The following TUSC3 variants were observed in gnomAD, a reference collection of about 807,000 sequenced individuals.
The protein encoded by TUSC3 is tumor suppressor candidate 3.
In TUSC3, 45 loss-of-function variants were observed where a neutral mutation model predicts 44.8. The ratio of observed to expected loss-of-function variants is 1.00; its 90% CI spans 0.79 to 1.29. The LOEUF is 1.29. TUSC3 is among the 50% of genes most tolerant of loss of function. TUSC3 has a pLI of 0.00. For missense variants in TUSC3, 519 were observed against 437.9 expected, an observed-to-expected ratio of 1.19 and a Z score of -1.65; for synonymous variants, 212 against 152.9, an observed-to-expected ratio of 1.39 and a Z score of -2.85.
intron 2 of TUSC3, among the ~76,000 whole-genome samples, chr8:15,524,941 C>A (rs1801353993): frequency 6.6e-6 from 1 of 152,190 alleles, no homozygotes; most frequent in African/African-American, 2.4e-5. Flanking sequence ...AAATTTTAGA[C>A]TAAAAGGGGG....
At chr8:15,547,024 G>C (rs1485019537) in intron 1 of TUSC3, among the ~76,000 whole-genome samples, 1 of 151,566 alleles carries the variant, frequency 6.6e-6, no homozygotes, top group South Asian at 2.1e-4. Context: ...TTAATGAACA[G>C]AAAAAAGTTA....
At chr8:15,434,658 T>C (rs1799922210) in intron 1 of TUSC3, among the ~76,000 whole-genome samples, 1 of 151,746 alleles carries the variant, frequency 6.6e-6, no homozygotes, top group African/African-American at 2.4e-5. Context: ...ATTAGGTATA[T>C]CTCCTAATGC....
At chr8:15,441,364 G>A (rs896389803) in intron 1 of TUSC3, among the ~76,000 whole-genome samples, 2 of 152,170 alleles carry the variant, frequency 1.3e-5, no homozygotes, top group South Asian at 2.1e-4. Flanking sequence ...CCGAGATCGC[G>A]TCACTGCACT....
chr8:15,493,004 T>C (rs553455047), intron 2 of TUSC3, among the ~76,000 whole-genome samples: 31 of 152,006 alleles, frequency 2.0e-4, no homozygotes, highest in African/African-American at 6.8e-4. Context: ...AATAAATACA[T>C]AGACAAAACT....
At chr8:15,636,407 C>T (rs1294185393) in intron 2 of TUSC3, among the ~76,000 whole-genome samples, 1 of 152,144 alleles carries the variant, frequency 6.6e-6, no homozygotes, top group African/African-American at 2.4e-5. Context: ...ACCATTTCCA[C>T]AAGGAAAGCC....
chr8:15,552,960 T>G (rs1802109628), intron 1 of TUSC3, among the ~76,000 whole-genome samples: 1 of 151,360 alleles, frequency 6.6e-6, no homozygotes, highest in African/African-American at 2.4e-5. Context: ...GATTCCAGAG[T>G]TGTTTAGGAG....
At chr8:15,608,785 C>G (rs1413263179) in intron 1 of TUSC3, among the ~76,000 whole-genome samples, 1 of 152,176 alleles carries the variant, frequency 6.6e-6, no homozygotes, top group Admixed American at 6.6e-5. Flanking sequence ...GGCTCTCCAG[C>G]CATGCGTAAC....
In TUSC3 at chr8:15,627,871, C is replaced by T. The variant is rs190850722; in HGVS notation, c.308+4622C>T. Among the ~76,000 whole-genome samples the T allele has an allele frequency of 2.8e-4, 42 of 152,256 alleles. No individual in the cohort carries two copies. In the East Asian group the frequency reaches 4.1e-3, roughly 15 times the overall value. ...CCGTTGGCAGGCATGGGATCCTGGC[C>T]GGTAGCGGGAGCTGAGTGGAGACTG... On this transcript the variant is annotated intron_variant, in intron 2 of 10. Transcript: ENST00000503731.
At chr8:15,722,795 G>T (rs185753866) in intron 6 of TUSC3, among the ~76,000 whole-genome samples, 4 of 151,124 alleles carry the variant, frequency 2.6e-5, no homozygotes, top group African/African-American at 9.7e-5. Context: ...ATCTGAATGT[G>T]TAGCAGTTCA....
intron 1 of TUSC3, among the ~76,000 whole-genome samples, chr8:15,576,716 G>T (rs1303333909): frequency 7.5e-6 from 1 of 133,832 alleles, no homozygotes; most frequent in African/African-American, 2.9e-5. Context: ...TATCATTGTT[G>T]GACATTTGGG....
At chr8:15,477,348 G>A in intron 1 of TUSC3, among the ~76,000 whole-genome samples, 1 of 152,184 alleles carries the variant, frequency 6.6e-6, no homozygotes. Context: ...AACACTTAGT[G>A]TAGAGATAGT....
rs150722453 is a variant in TUSC3, at chr8:15,595,278, A to G, written c.139-27802A>G. ...TTGATCAGCACTCAGCTGAATATTC[A>G]AGGGGAATCTCTAGATTTCCAGGCT... On this transcript the variant is annotated intron_variant, in intron 1 of 10. Coordinates refer to ENST00000503731, the MANE Select transcript of TUSC3 (RefSeq NM_006765.4). Among the ~76,000 whole-genome samples the G allele has an allele frequency of 8.6e-3, 1,311 of 152,248 alleles. 7 individuals are homozygous for G. Among genetic ancestry groups the G allele is most frequent in the African/African-American group, 0.024 (1,013 of 41,540 alleles).
At chr8:15,509,202 T>A (rs1002941942) in intron 2 of TUSC3, among the ~76,000 whole-genome samples, 6 of 152,274 alleles carry the variant, frequency 3.9e-5, no homozygotes, top group Admixed American at 2.0e-4. Context: ...GAAGAGCAAA[T>A]ATTGGAGATG....
chr8:15,590,988 C>T (rs2042991), intron 1 of TUSC3, among the ~76,000 whole-genome samples: 33,264 of 151,914 alleles, frequency 0.22, 3,809 homozygotes, highest in East Asian at 0.44. Context: ...ATTTGTTTTG[C>T]CAGATCTGAT....
At chr8:15,605,239 A>C (rs1428448428) in intron 1 of TUSC3, among the ~76,000 whole-genome samples, 1 of 151,898 alleles carries the variant, frequency 6.6e-6, no homozygotes, top group African/African-American at 2.4e-5. Flanking sequence ...TCATGCCGCT[A>C]CCTGGCTTTG....
the TUSC3 span, among the ~76,000 whole-genome samples, chr8:15,804,066 G>C: frequency 1.3e-5 from 2 of 152,130 alleles, no homozygotes; most frequent in African/African-American, 2.4e-5. Context: ...TATATATTCA[G>C]TAACGGGATT....
the TUSC3 span, among the ~76,000 whole-genome samples, chr8:15,776,670 C>G: frequency 6.6e-6 from 1 of 151,992 alleles, no homozygotes; most frequent in East Asian, 1.9e-4. Context: ...ATATTTTTGC[C>G]TCATCCCTAT....
intron 6 of TUSC3, among the ~76,000 whole-genome samples, chr8:15,692,929 G>C (rs529707053): frequency 6.6e-6 from 1 of 152,214 alleles, no homozygotes; most frequent in Non-Finnish European, 1.5e-5. Flanking sequence ...TGTCTTTCTT[G>C]ATCTTTGTTG....
intron 2 of TUSC3, among the ~76,000 whole-genome samples, chr8:15,524,871 A>T (rs901395248): frequency 6.6e-6 from 1 of 152,242 alleles, no homozygotes; most frequent in Non-Finnish European, 1.5e-5. Flanking sequence ...ATTGGCAAAA[A>T]TGTAAAACAC....
Sources: allele counts gnomAD v4.1 joint callset (sites outside exome capture counted in the v4.1 genomes callset), GRCh38; gene constraint gnomAD v4.1.1; transcripts MANE v1.5; gene names NCBI Gene and HGNC (gene_info 2026-07-23, HGNC 2026-07-21).